The following OSBPL11 variants were observed in gnomAD, a reference collection of about 807,000 sequenced individuals.
The protein encoded by OSBPL11 is oxysterol-binding protein-related protein 11.
OSBPL11 carries 33 observed loss-of-function variants against 84.4 expected under a neutral mutation model. That is an observed-to-expected ratio of 0.39 (90% CI 0.30 to 0.52). The LOEUF is 0.52. Ranked by LOEUF, OSBPL11 falls within the 20% of genes least tolerant of loss-of-function variation. The pLI, the probability that OSBPL11 is intolerant of heterozygous loss-of-function variation, is 0.72. For synonymous variants in OSBPL11, 276 were observed against 310.2 expected (o/e 0.89, Z 1.16); for missense variants, 736 against 901.1 (o/e 0.82, Z 2.35).
chr3:125,554,638 GAAAAAACAAAAAT>G (rs1559839756), intron 8 of OSBPL11, among the ~76,000 whole-genome samples: 1 of 151,280 alleles, frequency 6.6e-6, no homozygotes, highest in African/African-American at 2.4e-5. Context: ...CAAAGGAGGG[GAAAAAACAAAAAT>G]AAAAAATAAT....
intron 3 of OSBPL11, among the ~76,000 whole-genome samples, chr3:125,579,568 T>C (rs1172365011): frequency 6.6e-6 from 1 of 152,134 alleles, no homozygotes; most frequent in East Asian, 1.9e-4. Context: ...AGGGGTGAAA[T>C]ACATAAAAAA....
chr3:125,584,131 G>A (rs180933518), intron 1 of OSBPL11, among the ~76,000 whole-genome samples: 79 of 152,208 alleles, frequency 5.2e-4, no homozygotes, highest in African/African-American at 1.8e-3. Context: ...TTTGGAGGCC[G>A]GGGCAGGTGG....
intron 7 of OSBPL11, among the ~76,000 whole-genome samples, chr3:125,562,586 C>T (rs1936094472): frequency 6.6e-6 from 1 of 152,086 alleles, no homozygotes. Context: ...ACTCTTGACT[C>T]AGTAATGCTA....
chr3:125,583,581 CAAAAAAAAAAAAAAA>C (rs57151123), intron 1 of OSBPL11, among the ~76,000 whole-genome samples: 2 of 44,944 alleles, frequency 4.4e-5, no homozygotes, highest in South Asian at 1.0e-3. Context: ...ACTCCGTCTC[CAAAAAAAAAAAAAAA>C]AAAAAAAAAA....
intron 10 of OSBPL11, among the ~76,000 whole-genome samples, chr3:125,541,204 T>G: frequency 6.6e-6 from 1 of 152,224 alleles, no homozygotes; most frequent in East Asian, 1.9e-4. Context: ...ATGTTATTAT[T>G]GGTTTGCCAT....
At chr3:125,546,702 C>T (rs1935823371) in intron 10 of OSBPL11, among the ~76,000 whole-genome samples, 1 of 151,946 alleles carries the variant, frequency 6.6e-6, no homozygotes, top group Admixed American at 6.6e-5. Context: ...ACCAGCCTGG[C>T]CAACATGGTG....
chr3:125,589,128 C>T (rs1330393819), intron 1 of OSBPL11, among the ~76,000 whole-genome samples: 1 of 152,030 alleles, frequency 6.6e-6, no homozygotes, highest in Non-Finnish European at 1.5e-5. Context: ...GCAGGCAGAT[C>T]GCCTGAGGTC....
At chr3:125,565,595 GA>G (rs1936141524) in intron 6 of OSBPL11, among the ~76,000 whole-genome samples, 2 of 152,202 alleles carry the variant, frequency 1.3e-5, no homozygotes, top group African/African-American at 2.4e-5. Flanking sequence ...CTGGGATGGG[GA>G]GTATACTAAT....
chr3:125,567,026 C>T (rs1250452448), intron 6 of OSBPL11, among the ~76,000 whole-genome samples: 1 of 152,082 alleles, frequency 6.6e-6, no homozygotes, highest in Non-Finnish European at 1.5e-5. Flanking sequence ...TAAGCCAAAA[C>T]TCAAAAAATA....
chr3:125,532,803 T>TATTCATCATTGCCTCCAACTGGTAA (rs145498747), intron 11 of OSBPL11, among the ~76,000 whole-genome samples: 7 of 151,746 alleles, frequency 4.6e-5, no homozygotes, highest in Non-Finnish European at 8.8e-5. Flanking sequence ...ACAGCAGTAT[T>TATTCATCATTGCCTCCAACTGGTAA]ATGGATAGGC....
At chr3:125,537,258 C>T (rs959862780) in intron 11 of OSBPL11, among the ~76,000 whole-genome samples, 53 of 151,618 alleles carry the variant, frequency 3.5e-4, no homozygotes, top group Admixed American at 9.9e-4. Flanking sequence ...GAGAAAGGGG[C>T]ATGCGAGTAC....
intron 2 of OSBPL11, among the ~76,000 whole-genome samples, chr3:125,582,007 A>G (rs905214237): frequency 1.3e-5 from 2 of 151,946 alleles, no homozygotes; most frequent in Non-Finnish European, 2.9e-5. Context: ...ATATAAAATA[A>G]AAAGTAACTC....
At chr3:125,548,131 G>A (rs763327786) in intron 9 of OSBPL11, among the ~76,000 whole-genome samples, 11 of 152,182 alleles carry the variant, frequency 7.2e-5, no homozygotes, top group African/African-American at 2.6e-4. Flanking sequence ...CACCTGCTTC[G>A]GCCTCCCAAA....
rs185536792 is a variant in OSBPL11 at position 125,530,204 on chromosome 3, T to G, written c.*311A>C. On this transcript the variant is annotated 3_prime_UTR_variant, in exon 13 of 13. Transcript: ENST00000296220. The stretch of plus-strand genomic sequence containing the variant: ...TTGTTGTGTGTATCTGCTGCCCCTG[T>G]GCAAAAATAGGGGATTCAAACTTAA... The G allele has an allele frequency of 1.4e-4, 44 of 309,966 alleles. No homozygotes were observed. The East Asian group carries it at 2.6e-3, about 18-fold the overall frequency. The allele number at this position is 309,966 out of a possible 1,614,324, so 19.2% of individuals were successfully genotyped here.
Position 125,552,332 on chromosome 3 carries a change from T to C in OSBPL11, c.1503A>G (p.Thr501=). The stretch of plus-strand genomic sequence containing the variant: ...AAACCTGCTCAGCAACAAATCTGAC[T>C]GTGTAACAGTCTGATCCCACCTGGG... The part of the protein sequence containing the change: ...SLTQVGSDCY[T]VRFVAEQVSH... The change falls in exon 9 of 13, where the codon ACA becomes ACG. Residue 501 remains threonine (T), a synonymous_variant. Coordinates refer to ENST00000296220, the MANE Select transcript of OSBPL11 (RefSeq NM_022776.5). The C allele has an allele frequency of 6.2e-7, 1 of 1,614,082 alleles. No homozygotes were observed. Among genetic ancestry groups the C allele is most frequent in the Non-Finnish European group, 8.5e-7 (1 of 1,180,014 alleles).
intron 6 of OSBPL11, 112 bp from the exon 7 acceptor site, chr3:125,563,955 C>A: frequency 8.2e-7 from 1 of 1,215,064 alleles, no homozygotes. Flanking sequence ...AGCAATTAAA[C>A]CTGTTAAGAG....
intron 2 of OSBPL11, among the ~76,000 whole-genome samples, chr3:125,580,363 A>C (rs1262970965): frequency 6.6e-6 from 1 of 151,866 alleles, no homozygotes; most frequent in Non-Finnish European, 1.5e-5. Flanking sequence ...AAAAATACAA[A>C]ATTAGCCAGG....
At position 125,594,868 on chromosome 3, in the gene OSBPL11, T is replaced by TC. The variant is rs1936657712; in HGVS notation, c.-69_-68insG. On this transcript the variant is annotated 5_prime_UTR_variant, in exon 1 of 13. Coordinates refer to ENST00000296220, the MANE Select transcript of OSBPL11 (RefSeq NM_022776.5). ...CAATTCTGTAGTTCTGTAGGTGACTTTTTTTTTTTAAGATTTGATCTGAAT... is the reference window on the plus strand; with the variant it reads ...CAATTCTGTAGTTCTGTAGGTGACTTCTTTTTTTTTAAGATTTGATCTGAAT... The TC allele has an allele frequency of 7.0e-7, 1 of 1,431,182 alleles. No individual in the cohort carries two copies. The highest frequency in any genetic ancestry group is 2.4e-5 in the Admixed American group (1 of 41,306). 88.7% of individuals were successfully genotyped at this position (1,431,182 alleles called of 1,614,324 possible).
Position 125,595,015 on chromosome 3 carries a change from G to T in OSBPL11, c.-215C>A, listed in dbSNP as rs753883910. 1.9e-6 allele frequency: 1 copy of T among 526,738 alleles called. No individual in the cohort carries two copies. Among genetic ancestry groups the T allele is most frequent in the South Asian group, 2.8e-5 (1 of 36,068 alleles). 32.6% of individuals were successfully genotyped at this position (526,738 alleles called of 1,614,324 possible). On this transcript the variant is annotated 5_prime_UTR_variant, in exon 1 of 13. In the 5' UTR this introduces an upstream ATG that the reference lacks. Transcript: ENST00000296220. ...GAGGGCAGGGGAAGCAACGAGGACAGATATCCTTCACATGTATCTCTCTCC... is the reference window on the plus strand; with the variant it reads ...GAGGGCAGGGGAAGCAACGAGGACATATATCCTTCACATGTATCTCTCTCC...
Sources: gnomAD v4.1 joint callset for allele counts (sites outside exome capture counted in the v4.1 genomes callset) on GRCh38, gnomAD v4.1.1 for gene constraint, MANE v1.5 for transcripts, NCBI Gene and HGNC (gene_info 2026-07-23, HGNC 2026-07-21) for gene names.